Variants in SLC35B4 observed in about 807,000 individuals in gnomAD.
The protein encoded by SLC35B4 is solute carrier family 35 member B4.
In SLC35B4, 28 loss-of-function variants were observed where a neutral mutation model predicts 39.5. That is an observed-to-expected ratio of 0.71 (90% CI 0.53 to 0.97). The LOEUF is 0.97. Ranked by LOEUF, SLC35B4 falls within the 50% of genes least tolerant of loss-of-function variation. The pLI is 0.00. For missense variants in SLC35B4, 334 were observed against 414.3 expected (o/e 0.81, Z 1.68); for synonymous variants, 145 against 150.4 (o/e 0.96, Z 0.26).
In SLC35B4 at chr7:134,301,759, G is replaced by C. The variant is rs754386558; in HGVS notation, c.487+2C>G. ...TAGCTTTATTATAATTATTGTACTT[G>C]CCTAGTAACCACCACACAAATGCCT... On this transcript the variant is annotated splice_donor_variant, in intron 6 of 9. Transcript: ENST00000378509. LOFTEE classifies it high-confidence loss of function. The C allele has an allele frequency of 6.2e-7, 1 of 1,613,088 alleles. No individual in the cohort carries two copies. Among genetic ancestry groups the C allele is most frequent in the Non-Finnish European group, 8.5e-7 (1 of 1,179,158 alleles).
rs1206589375 is a variant in SLC35B4 at position 134,316,778 on chromosome 7, C to T, written c.-27G>A. 9.1e-6 allele frequency: 14 copies of T among 1,540,490 alleles called. No homozygotes were observed. The highest frequency in any genetic ancestry group is 1.1e-5 in the Non-Finnish European group (13 of 1,145,118). ...GCCGGTGCAGGGTTGGGGAAGCAAG[C>T]GCACAGAGTAAGCGCCCGCCTGTAC... On this transcript the variant is annotated 5_prime_UTR_variant, in exon 1 of 10. Coordinates refer to ENST00000378509, the MANE Select transcript of SLC35B4 (RefSeq NM_032826.5).
rs571744950 is a variant in SLC35B4, at chr7:134,291,688, A to T, written c.*3145T>A. The T allele has an allele frequency of 1.3e-5, 2 of 152,352 alleles. No homozygotes were observed. The highest frequency in any genetic ancestry group is 3.9e-4 in the East Asian group (2 of 5,188). The allele number at this position is 152,352 out of a possible 1,614,324, so 9.4% of individuals were successfully genotyped here. A position where few individuals can be genotyped will look rare whatever the true frequency, so the allele number is the denominator to read the frequency against. The stretch of plus-strand genomic sequence containing the variant: ...TGTGGTTAACAGGATGGAAAGGAGG[A>T]AAAAACTAAAAACAAAGTATTTGGA... On this transcript the variant is annotated 3_prime_UTR_variant, in exon 10 of 10. Transcript: ENST00000378509.
At chr7:134,320,160 T>G (rs1353739319), upstream of SLC35B4, among the ~76,000 whole-genome samples, 1 of 152,222 alleles carries the variant, frequency 6.6e-6, no homozygotes, top group Non-Finnish European at 1.5e-5. Flanking sequence ...CTCACTCAGG[T>G]TCTGTGTGCT....
intron 1 of SLC35B4, among the ~76,000 whole-genome samples, chr7:134,313,454 C>G (rs1803894680): frequency 6.6e-6 from 1 of 152,122 alleles, no homozygotes; most frequent in South Asian, 2.1e-4. Context: ...GTAAGGCAAG[C>G]AATAATATCT....
intron 4 of SLC35B4, among the ~76,000 whole-genome samples, chr7:134,303,698 A>G (rs1334871637): frequency 6.6e-6 from 1 of 152,198 alleles, no homozygotes; most frequent in Admixed American, 6.5e-5. Context: ...TTGGGGCTGG[A>G]TATCAAATAC....
chr7:134,294,282 C>G lies in SLC35B4; in HGVS notation c.*551G>C, dbSNP rs7792481. On this transcript the variant is annotated 3_prime_UTR_variant, in exon 10 of 10. Transcript: ENST00000378509. ...AATCAGCTCAGGGGAACATCTCTTT[C>G]CTTCCCAAAACGCTGGAGGAAGTCC... The G allele has an allele frequency of 2.3e-4, 35 of 153,706 alleles. No individual in the cohort carries two copies. Among genetic ancestry groups the G allele is most frequent in the African/African-American group, 8.5e-4 (35 of 41,410 alleles). The allele number at this position is 153,706 out of a possible 1,614,324, so 9.5% of individuals were successfully genotyped here. A position where few individuals can be genotyped will look rare whatever the true frequency, so the allele number is the denominator to read the frequency against.
In SLC35B4 at chr7:134,299,531, T is replaced by C. The variant is rs150080166; in HGVS notation, c.665A>G (p.Asn222Ser). ...SDIYDHAVLF[N>S]KSELYEIPVI... ...TCTAACCCCAAACTCACCAGACTTATTGAATAGAACTGCATGGTCATAAAT... is the reference window on the plus strand; with the variant it reads ...TCTAACCCCAAACTCACCAGACTTACTGAATAGAACTGCATGGTCATAAAT... Residue 222 changes from asparagine to serine, a missense_variant, in exon 8 of 10, where the codon AAT becomes AGT. Coordinates refer to ENST00000378509, the MANE Select transcript of SLC35B4 (RefSeq NM_032826.5). 1.6e-4 allele frequency: 257 copies of C among 1,613,482 alleles called. No homozygotes were observed. Among genetic ancestry groups the C allele is most frequent in the Non-Finnish European group, 2.0e-4 (240 of 1,179,526 alleles).
In SLC35B4 at chr7:134,300,021, C is replaced by T. The variant is rs1803544446; in HGVS notation, c.597+131G>A. The T allele has an allele frequency of 6.3e-6, 4 of 633,962 alleles. No individual in the cohort carries two copies. In the South Asian group the frequency reaches 7.0e-5, roughly 11 times the overall value. The allele number at this position is 633,962 out of a possible 1,614,324, so 39.3% of individuals were successfully genotyped here. On this transcript the variant is annotated intron_variant, in intron 7 of 9. Coordinates refer to ENST00000378509, the MANE Select transcript of SLC35B4 (RefSeq NM_032826.5). Reference sequence around the variant, plus strand: ...CCAGAGCATCCCATCAAAACTGCTTCAGTCTGTGGGTCTCAAAGCCATCTA... The same window carrying T: ...CCAGAGCATCCCATCAAAACTGCTTTAGTCTGTGGGTCTCAAAGCCATCTA...
chr7:134,313,596 G>T (rs1298173208), intron 1 of SLC35B4, among the ~76,000 whole-genome samples: 1 of 152,150 alleles, frequency 6.6e-6, no homozygotes, highest in Non-Finnish European at 1.5e-5. Context: ...TTTATTATTG[G>T]TCCCAATCAT....
At chr7:134,305,246 C>A (rs2117301166) in intron 3 of SLC35B4, among the ~76,000 whole-genome samples, 1 of 152,062 alleles carries the variant, frequency 6.6e-6, no homozygotes, top group East Asian at 1.9e-4. Context: ...TCCCTTGAAC[C>A]CGGGAAGTGG....
rs1803294584 is a variant in SLC35B4, at chr7:134,289,779, C to T, written c.*5054G>A. The stretch of plus-strand genomic sequence containing the variant: ...GTTCACAAGAGTCATCTATGCATTT[C>T]AAAAGATATCAGTAAGTCAATGTGC... On this transcript the variant is annotated 3_prime_UTR_variant, in exon 10 of 10. Transcript: ENST00000378509. 6.6e-6 allele frequency: 1 copy of T among 152,176 alleles called. No individual in the cohort carries two copies. The highest frequency in any genetic ancestry group is 6.6e-5 in the Admixed American group (1 of 15,262). 9.4% of individuals were successfully genotyped at this position (152,176 alleles called of 1,614,324 possible).
chr7:134,304,976 A>G (rs1803672746), intron 3 of SLC35B4, 122 bp from the exon 4 acceptor site: 1 of 724,736 alleles, frequency 1.4e-6, no homozygotes, highest in Admixed American at 2.4e-5. Flanking sequence ...TAGGATGAAT[A>G]ATTAGTAAAG....
intron 3 of SLC35B4, among the ~76,000 whole-genome samples, chr7:134,305,298 T>C (rs766592544): frequency 6.6e-6 from 1 of 151,698 alleles, no homozygotes; most frequent in African/African-American, 2.4e-5. Flanking sequence ...ACCTCCAGCC[T>C]GGGCAACAAG....
intron 8 of SLC35B4, 115 bp from the exon 9 acceptor site, chr7:134,296,581 G>T: frequency 1.4e-6 from 1 of 703,944 alleles, no homozygotes; most frequent in Non-Finnish European, 2.4e-6. Flanking sequence ...TGTCTTCCTT[G>T]CAAATAGAAT....
chr7:134,317,171 G>C (rs1173675491), upstream of SLC35B4: 1 of 182,618 alleles, frequency 5.5e-6, no homozygotes, highest in Non-Finnish European at 1.2e-5. Context: ...TTGCGAGACC[G>C]CCCAGAGCGC....
At chr7:134,316,637 C>T in intron 1 of SLC35B4, 38 bp downstream of exon 1, 1 of 1,546,296 alleles carries the variant, frequency 6.5e-7, no homozygotes, top group Non-Finnish European at 8.7e-7. Flanking sequence ...CTCCGCCCCG[C>T]CCCGGGAGAC....
intron 5 of SLC35B4, 99 bp downstream of exon 5, chr7:134,301,930 A>G (rs2117292885): frequency 6.6e-7 from 1 of 1,515,688 alleles, no homozygotes; most frequent in African/African-American, 1.4e-5. Flanking sequence ...TTCTCTTTCA[A>G]AATCTTTGTA....
intron 1 of SLC35B4, 112 bp from the exon 2 acceptor site, chr7:134,309,591 C>T: frequency 1.4e-6 from 1 of 702,182 alleles, no homozygotes; most frequent in South Asian, 1.6e-5. Context: ...ATTTCAATTA[C>T]CCACTGTCCT....
intron 1 of SLC35B4, among the ~76,000 whole-genome samples, chr7:134,310,719 GT>G (rs947622048): frequency 2.0e-5 from 3 of 151,040 alleles, no homozygotes; most frequent in African/African-American, 4.9e-5. Context: ...TAATTTTTTT[GT>G]TTTTTTTCAG....
Sources: gnomAD v4.1 joint callset for allele counts (sites outside exome capture counted in the v4.1 genomes callset) on GRCh38, gnomAD v4.1.1 for gene constraint, MANE v1.5 for transcripts, NCBI Gene and HGNC (gene_info 2026-07-23, HGNC 2026-07-21) for gene names.